Variants in ZBTB48 observed in about 807,000 individuals in gnomAD.
The protein encoded by ZBTB48 is zinc finger and BTB domain-containing protein 48.
ZBTB48 carries 35 observed loss-of-function variants against 64.5 expected under a neutral mutation model. The ratio of observed to expected loss-of-function variants is 0.54; its 90% CI spans 0.41 to 0.72. The LOEUF is 0.72. Ranked by LOEUF, ZBTB48 falls within the 30% of genes least tolerant of loss-of-function variation. The pLI is 0.00. For missense variants in ZBTB48, 828 were observed against 895.3 expected, an observed-to-expected ratio of 0.92 and a Z score of 0.96; for synonymous variants, 442 against 356.7, an observed-to-expected ratio of 1.24 and a Z score of -2.70.
chr1:6,580,594 C>T lies in ZBTB48; in HGVS notation c.-16C>T, dbSNP rs779999711. ...GCTGGCCGGGGTGTCACTTCTGCCTCCCTGCCCTCCAGACCATGGACGGCT... is the reference window on the plus strand; with the variant it reads ...GCTGGCCGGGGTGTCACTTCTGCCTTCCTGCCCTCCAGACCATGGACGGCT... On this transcript the variant is annotated 5_prime_UTR_variant, in exon 2 of 11. Coordinates refer to ENST00000377674, the MANE Select transcript of ZBTB48 (RefSeq NM_005341.4). This position sits in a 1 kb window ranked among gnomAD's most constrained non-coding sequence, Gnocchi z 5.2. 5 of 1,598,982 alleles carry T rather than the reference C, an allele frequency of 3.1e-6. No individual in the cohort carries two copies. The highest frequency in any genetic ancestry group is 4.3e-6 in the Non-Finnish European group (5 of 1,169,878).
At position 6,587,510 on chromosome 1, in the gene ZBTB48, G is replaced by A. The variant is rs367838212; in HGVS notation, c.1257G>A (p.Arg419=). 1.2e-5 allele frequency: 19 copies of A among 1,613,946 alleles called. No homozygotes were observed. The African/African-American group carries it at 2.4e-4, about 20-fold the overall frequency. Residue 419 remains arginine, a synonymous_variant, in exon 7 of 11, where the codon CGG becomes CGA. Transcript: ENST00000377674. ...CCTGTGCCAAGTGCTTCCTGTCTCG[G>A]ACAGAGCTGCAGCTGCATGAAGCTT... ...CPTCAKCFLS[R]TELQLHEAFK...
chr1:6,581,063 G>C lies in ZBTB48; in HGVS notation c.454G>C (p.Glu152Gln). The part of the protein sequence containing the change: ...VKEPAGLEEE[E>Q]VSRTLGLVPR... Reference sequence around the variant, plus strand: ...GGAGCCGGCAGGCTTGGAAGAAGAGGAAGTTTCGAGGACTCTGGGTCTAGT... The same window carrying C: ...GGAGCCGGCAGGCTTGGAAGAAGAGCAAGTTTCGAGGACTCTGGGTCTAGT... The change falls in exon 2 of 11, where the codon GAA becomes CAA. Residue 152 changes from glutamate (E) to glutamine (Q), a missense_variant. Transcript: ENST00000377674. The C allele has an allele frequency of 6.2e-7, 1 of 1,613,246 alleles. No individual in the cohort carries two copies. Among genetic ancestry groups the C allele is most frequent in the Non-Finnish European group, 8.5e-7 (1 of 1,179,994 alleles).
chr1:6,583,954 G>T (rs566318103), intron 3 of ZBTB48, among the ~76,000 whole-genome samples: 9 of 151,520 alleles, frequency 5.9e-5, no homozygotes, highest in Non-Finnish European at 1.2e-4. Context: ...TAATTTTTTT[G>T]TGTGTGTTTA....
At chr1:6,585,418 A>G (rs1640623164) in intron 3 of ZBTB48, 1 of 168,410 alleles carries the variant, frequency 5.9e-6, no homozygotes, top group South Asian at 1.5e-4. Context: ...GCCAAGAGGT[A>G]CTGAGGTCTG....
intron 6 of ZBTB48, 88 bp from the exon 7 acceptor site, chr1:6,587,390 G>A: frequency 6.2e-7 from 1 of 1,608,010 alleles, no homozygotes; most frequent in Non-Finnish European, 8.5e-7. Context: ...CTGTTGTTCG[G>A]GGGGGTGCTT....
At position 6,580,413 on chromosome 1, in the gene ZBTB48, G is replaced by A. The variant is rs1444636188; in HGVS notation, c.-69-128G>A. On this transcript the variant is annotated intron_variant, in intron 1 of 10. Coordinates refer to ENST00000377674, the MANE Select transcript of ZBTB48 (RefSeq NM_005341.4). This position sits in a 1 kb window ranked among gnomAD's most constrained non-coding sequence, Gnocchi z 5.2. ...CCTGGCCAATCCAATATGGCCCCCG[G>A]CCCCCGGGAGGCTGTCAGTGTGTTC... is the stretch of plus-strand genomic sequence containing the variant. 1.6e-6 allele frequency: 1 copy of A among 617,232 alleles called. No individual in the cohort carries two copies. Among genetic ancestry groups the A allele is most frequent in the East Asian group, 2.8e-5 (1 of 35,996 alleles). 38.2% of individuals were successfully genotyped at this position (617,232 alleles called of 1,614,324 possible). A position where few individuals can be genotyped will look rare whatever the true frequency, so the allele number is the denominator to read the frequency against.
chr1:6,589,198 G>A lies in ZBTB48; in HGVS notation c.2053G>A (p.Asp685Asn), dbSNP rs1446430311. The change falls in exon 11 of 11, where the codon GAC becomes AAC. Residue 685 changes from aspartate to asparagine, a missense_variant. Asp to Asn is a conservative substitution (Grantham distance 23). Coordinates refer to ENST00000377674, the MANE Select transcript of ZBTB48 (RefSeq NM_005341.4). ...SLIITAAVPEDCDT is the reference protein window; with the variant it reads ...SLIITAAVPENCDT The stretch of plus-strand genomic sequence containing the variant: ...CATCATCACAGCTGCTGTCCCCGAG[G>A]ACTGTGACACATAGCCCATTCTGGC... The A allele has an allele frequency of 6.6e-7, 1 of 1,521,334 alleles. No homozygotes were observed. Among genetic ancestry groups the A allele is most frequent in the Non-Finnish European group, 8.8e-7 (1 of 1,138,058 alleles). 94.2% of individuals were successfully genotyped at this position (1,521,334 alleles called of 1,614,324 possible).
In ZBTB48 at chr1:6,587,524, T is replaced by A. The variant is rs151338006; in HGVS notation, c.1271T>A (p.Leu424Gln). The stretch of plus-strand genomic sequence containing the variant: ...TTCCTGTCTCGGACAGAGCTGCAGC[T>A]GCATGAAGCTTTCAAGCACCGTGGT... ...KCFLSRTELQ[L>Q]HEAFKHRGEK... Residue 424 changes from leucine to glutamine, a missense_variant, in exon 7 of 11, where the codon CTG (leucine) becomes CAG (glutamine). By Grantham distance (113) the Leu-to-Gln change is moderately radical (BLOSUM62 -2). Transcript: ENST00000377674. 371 of 1,613,978 alleles carry A rather than the reference T, an allele frequency of 2.3e-4. 1 individual carries two copies. The highest frequency in any genetic ancestry group is 3.0e-4 in the Non-Finnish European group (352 of 1,180,014).
In ZBTB48 at chr1:6,584,626, T is replaced by C. The variant is rs1459508396; in HGVS notation, c.933-1293T>C. Among the ~76,000 whole-genome samples, 1 of 152,226 alleles carries C rather than the reference T, an allele frequency of 6.6e-6. No individual in the cohort carries two copies. On this transcript the variant is annotated intron_variant, in intron 3 of 10. Coordinates refer to ENST00000377674, the MANE Select transcript of ZBTB48 (RefSeq NM_005341.4). This position sits in a 1 kb window ranked among gnomAD's most constrained non-coding sequence, Gnocchi z 4.5. ...GGGATAACCCCAGTGTCGGGGGTCC[T>C]GGGGCAGCCTGTGTACTGCTGGATG...
At position 6,581,212 on chromosome 1, in the gene ZBTB48, C is replaced by G; in HGVS notation, c.603C>G (p.Pro201=). ...TGAAGCAGGCCTTGAAGCCTTGTCCCCTTGAGGACAAGAAACCCGAGGACT... is the reference window on the plus strand; with the variant it reads ...TGAAGCAGGCCTTGAAGCCTTGTCCGCTTGAGGACAAGAAACCCGAGGACT... The part of the protein sequence containing the change: ...GKLKQALKPC[P]LEDKKPEDCK... Residue 201 remains proline (P), a synonymous_variant, in exon 2 of 11, where the codon CCC becomes CCG. Coordinates refer to ENST00000377674, the MANE Select transcript of ZBTB48 (RefSeq NM_005341.4). 1.9e-6 allele frequency: 3 copies of G among 1,613,312 alleles called. No individual in the cohort carries two copies. The highest frequency in any genetic ancestry group is 2.5e-6 in the Non-Finnish European group (3 of 1,180,004).
Position 6,580,519 on chromosome 1 carries a change from C to G in ZBTB48, c.-69-22C>G. The G allele has an allele frequency of 7.3e-7, 1 of 1,373,870 alleles. No individual in the cohort carries two copies. The allele number at this position is 1,373,870 out of a possible 1,614,324, so 85.1% of individuals were successfully genotyped here. A position where few individuals can be genotyped will look rare whatever the true frequency, so the allele number is the denominator to read the frequency against. On this transcript the variant is annotated intron_variant, in intron 1 of 10. Coordinates refer to ENST00000377674, the MANE Select transcript of ZBTB48 (RefSeq NM_005341.4). The surrounding 1 kb of genome is among the most constrained non-coding windows in gnomAD (Gnocchi z 5.2). ...ATTATTTGAGTAGAGGCCAACTTCCCGTTTCTCTCTCTTGACTCCAGGAGC... is the reference window on the plus strand; with the variant it reads ...ATTATTTGAGTAGAGGCCAACTTCCGGTTTCTCTCTCTTGACTCCAGGAGC...
chr1:6,586,808 A>G (rs769949169), intron 5 of ZBTB48, 21 bp downstream of exon 5: 3 of 1,604,678 alleles, frequency 1.9e-6, no homozygotes, highest in Non-Finnish European at 2.6e-6. Flanking sequence ...GCCTGTCTCC[A>G]GGGCCAGGGT....
Position 6,580,980 on chromosome 1 carries a change from C to T in ZBTB48, c.371C>T (p.Ala124Val), listed in dbSNP as rs1640426615. 1 of 1,613,690 alleles carries T rather than the reference C, an allele frequency of 6.2e-7. No homozygotes were observed. The highest frequency in any genetic ancestry group is 8.5e-7 in the Non-Finnish European group (1 of 1,180,034). Residue 124 changes from alanine to valine, a missense_variant, in exon 2 of 11, where the codon GCA becomes GTA. Transcript: ENST00000377674. The surrounding 1 kb of genome is among the most constrained non-coding windows in gnomAD (Gnocchi z 5.2). ...FKPKTSVGQA[A>V]GGQSGLGPPA... The stretch of plus-strand genomic sequence containing the variant: ...CCCAAAACTTCAGTGGGACAGGCAG[C>T]AGGTGGCCAGAGTGGGCTGGGGCCC...
chr1:6,583,537 G>C (rs1347428224), intron 3 of ZBTB48, among the ~76,000 whole-genome samples: 2 of 151,428 alleles, frequency 1.3e-5, no homozygotes, highest in Admixed American at 6.6e-5. Context: ...CTGACCTTGT[G>C]ATCCACCTGC....
At position 6,581,123 on chromosome 1, in the gene ZBTB48, C is replaced by T. The variant is rs750774609; in HGVS notation, c.514C>T (p.Pro172Ser). ...RDQEPRGSHS[P>S]QRPQLHSPAQ... ...TCAGGAGCCCAGAGGCAGTCATAGT[C>T]CTCAGAGGCCCCAGCTCCATTCCCC... Residue 172 changes from proline to serine, a missense_variant, in exon 2 of 11, where the codon CCT (proline) becomes TCT (serine). Transcript: ENST00000377674. 10 of 1,613,162 alleles carry T rather than the reference C, an allele frequency of 6.2e-6. No individual in the cohort carries two copies. In the East Asian group the frequency reaches 8.9e-5, roughly 14 times the overall value.
Position 6,588,991 on chromosome 1 carries a change from C to G in ZBTB48, c.1846C>G (p.Leu616Val), listed in dbSNP as rs1261385552. 3 of 1,598,960 alleles carry G rather than the reference C, an allele frequency of 1.9e-6. No individual in the cohort carries two copies. The African/African-American group carries it at 4.0e-5, about 21-fold the overall frequency. Residue 616 changes from leucine (L) to valine (V), a missense_variant, in exon 11 of 11, where the codon CTG becomes GTG. Transcript: ENST00000377674. ...YNPRQRKLRN[L>V]IIEDEKMVVV... ...CCCGCGGCAGCGCAAGCTCCGCAAC[C>G]TGATCATCGAGGACGAGAAGATGGT...
At chr1:6,581,482 C>T (rs749254526) in intron 2 of ZBTB48, among the ~76,000 whole-genome samples, 183 bp downstream of exon 2, 3 of 151,840 alleles carry the variant, frequency 2.0e-5, no homozygotes, top group Non-Finnish European at 4.4e-5. Context: ...GGCAACATGG[C>T]GAGGCCTCAT....
chr1:6,588,891 G>C, intron 10 of ZBTB48, 25 bp from the exon 11 acceptor site: 1 of 1,613,844 alleles, frequency 6.2e-7, no homozygotes. Flanking sequence ...ATCCCCCAAA[G>C]TTCTGAGCTC....
At chr1:6,585,206 TG>T in intron 3 of ZBTB48, 1 of 152,512 alleles carries the variant, frequency 6.6e-6, no homozygotes, top group Non-Finnish European at 1.5e-5. Context: ...AGTGGGTGAC[TG>T]GGGAGCATCT....
Sources: allele counts gnomAD v4.1 joint callset (sites outside exome capture counted in the v4.1 genomes callset), GRCh38; gene constraint gnomAD v4.1.1; non-coding constraint Gnocchi (gnomAD v3.1); transcripts MANE v1.5; gene names NCBI Gene and HGNC (gene_info 2026-07-23, HGNC 2026-07-21).